Variants in NUP58 observed in about 807,000 individuals in gnomAD.
The protein encoded by NUP58 is nucleoporin p58/p45.
A neutral mutation model predicts 70.1 loss-of-function variants in NUP58; 17 were observed. That is an observed-to-expected ratio of 0.24 (90% CI 0.17 to 0.36). NUP58 has a LOEUF of 0.36. NUP58 is among the 10% of genes least tolerant of loss of function. The pLI, the probability that NUP58 is intolerant of heterozygous loss-of-function variation, is 1.00. For synonymous variants in NUP58, 275 were observed against 257.6 expected (o/e 1.07, Z -0.65); for missense variants, 644 against 701.5 (o/e 0.92, Z 0.93).
At chr13:25,316,902 A>G (rs1426864697) in intron 6 of NUP58, among the ~76,000 whole-genome samples, 3 of 152,220 alleles carry the variant, frequency 2.0e-5, no homozygotes, top group Non-Finnish European at 2.9e-5. Context: ...TGTCTTAGAT[A>G]TGACATTAAA....
At chr13:25,343,992 C>T (rs2032018499), downstream of NUP58, among the ~76,000 whole-genome samples, 1 of 151,826 alleles carries the variant, frequency 6.6e-6, no homozygotes, top group African/African-American at 2.4e-5. Context: ...TGTCACATTG[C>T]CTTCCCAAAA....
downstream of NUP58, among the ~76,000 whole-genome samples, chr13:25,346,920 C>T (rs2032057614): frequency 2.0e-5 from 3 of 152,088 alleles, no homozygotes; most frequent in Admixed American, 2.0e-4. Flanking sequence ...TAAAAAGCAA[C>T]TAACACTTCA....
intron 12 of NUP58, among the ~76,000 whole-genome samples, chr13:25,329,291 C>T (rs557075037): frequency 6.6e-6 from 1 of 152,234 alleles, no homozygotes; most frequent in Admixed American, 6.5e-5. Context: ...CCCTGCTGAA[C>T]TTGTTTTATC....
intron 1 of NUP58, among the ~76,000 whole-genome samples, chr13:25,302,243 A>G (rs903808144): frequency 6.6e-6 from 1 of 152,246 alleles, no homozygotes; most frequent in African/African-American, 2.4e-5. Context: ...TGAATGAATG[A>G]AATTATAGCA....
downstream of NUP58, among the ~76,000 whole-genome samples, chr13:25,347,380 G>GGAAT (rs1372156107): frequency 6.6e-6 from 1 of 152,156 alleles, no homozygotes; most frequent in African/African-American, 2.4e-5. Flanking sequence ...GTAGGTCTGG[G>GGAAT]GAATGTCTTT....
intron 3 of NUP58, among the ~76,000 whole-genome samples, chr13:25,348,894 C>A (rs979635547): frequency 1.3e-5 from 2 of 152,048 alleles, no homozygotes; most frequent in Non-Finnish European, 2.9e-5. Flanking sequence ...ACATACAAAG[C>A]CCCTCATAGT....
At chr13:25,321,267 G>T (rs1360429554) in intron 9 of NUP58, among the ~76,000 whole-genome samples, 174 bp downstream of exon 9, 1 of 152,132 alleles carries the variant, frequency 6.6e-6, no homozygotes, top group Non-Finnish European at 1.5e-5. Context: ...AGCGTTTTCT[G>T]TATACAAGAC....
At position 25,342,384 on chromosome 13, in the gene NUP58, A is replaced by C. The variant is rs1343621820; in HGVS notation, c.*2250A>C. The C allele has an allele frequency of 1.3e-5, 2 of 152,652 alleles. No homozygotes were observed. The highest frequency in any genetic ancestry group is 2.9e-5 in the Non-Finnish European group (2 of 68,032). The allele number at this position is 152,652 out of a possible 1,614,324, so 9.5% of individuals were successfully genotyped here. ...CTTTGTCCAGAGCCTATTATTATGG[A>C]AACAATAAAATTTATTGTGTCAGTT... On this transcript the variant is annotated 3_prime_UTR_variant, in exon 16 of 16. Coordinates refer to ENST00000381736, the MANE Select transcript of NUP58 (RefSeq NM_014089.4).
At chr13:25,304,763 C>T (rs530905405) in intron 1 of NUP58, among the ~76,000 whole-genome samples, 3 of 151,842 alleles carry the variant, frequency 2.0e-5, no homozygotes, top group South Asian at 2.1e-4. Flanking sequence ...CTCCTGACTT[C>T]AGGTGATCCA....
chr13:25,328,069 G>A (rs1260882762), intron 12 of NUP58, among the ~76,000 whole-genome samples: 4 of 151,832 alleles, frequency 2.6e-5, no homozygotes, highest in African/African-American at 9.7e-5. Flanking sequence ...TATGGTGGCG[G>A]GCACTTGTAG....
intron 13 of NUP58, chr13:25,333,935 G>A (rs1384032637): frequency 3.0e-6 from 3 of 985,218 alleles, no homozygotes; most frequent in African/African-American, 3.5e-5. Context: ...ACATGAATAT[G>A]GGCACAGAGC....
At chr13:25,313,072 T>C in intron 4 of NUP58, 40 bp downstream of exon 4, 1 of 1,597,712 alleles carries the variant, frequency 6.3e-7, no homozygotes, top group Non-Finnish European at 8.5e-7. Flanking sequence ...AATGGTTAAA[T>C]TTCAATTTTA....
chr13:25,316,356 A>G (rs973565280), intron 6 of NUP58, among the ~76,000 whole-genome samples: 1 of 152,174 alleles, frequency 6.6e-6, no homozygotes, highest in East Asian at 1.9e-4. Flanking sequence ...AATATATACC[A>G]TATATACTAG....
chr13:25,308,148 T>C (rs1041616041), intron 2 of NUP58, 200 bp downstream of exon 2: 1 of 464,564 alleles, frequency 2.2e-6, no homozygotes. Flanking sequence ...TACTCTGATA[T>C]AACGAAGGAA....
intron 1 of NUP58, among the ~76,000 whole-genome samples, chr13:25,304,676 G>A (rs183400368): frequency 0.011 from 1,608 of 150,340 alleles, 14 homozygotes; most frequent in Middle Eastern, 0.021. Flanking sequence ...CACCACACCC[G>A]GCTAAATTTT....
intron 1 of NUP58, 43 bp downstream of exon 1, chr13:25,301,923 C>A: frequency 7.7e-7 from 1 of 1,295,350 alleles, no homozygotes; most frequent in Non-Finnish European, 1.1e-6. Flanking sequence ...TTCACCCCCA[C>A]CCCCACCCCC....
At chr13:25,309,469 T>G (rs867668503) in intron 3 of NUP58, 187 bp downstream of exon 3, 1 of 488,034 alleles carries the variant, frequency 2.0e-6, no homozygotes. Context: ...AGGAATGACT[T>G]CGTAGAGTAC....
chr13:25,319,468 T>C lies in NUP58; in HGVS notation c.710+118T>C, dbSNP rs147890808. The C allele has an allele frequency of 7.5e-4, 609 of 809,464 alleles. 4 individuals carry two copies. The East Asian group carries it at 0.014, about 19-fold the overall frequency. 50.1% of individuals were successfully genotyped at this position (809,464 alleles called of 1,614,324 possible). A position where few individuals can be genotyped will look rare whatever the true frequency, so the allele number is the denominator to read the frequency against. The stretch of plus-strand genomic sequence containing the variant: ...ATACATTTAGGAGAAAAAACTTTTT[T>C]GTAATGGTATTCGTTAAAAGTAAAA... On this transcript the variant is annotated intron_variant, in intron 7 of 15. Transcript: ENST00000381736.
At chr13:25,332,373 G>A (rs1800875137) in intron 13 of NUP58, 1 of 985,294 alleles carries the variant, frequency 1.0e-6, no homozygotes, top group African/African-American at 1.7e-5. Context: ...TCTTAATCCT[G>A]CCATCCCTTT....
Sources: allele counts gnomAD v4.1 joint callset (sites outside exome capture counted in the v4.1 genomes callset), GRCh38; gene constraint gnomAD v4.1.1; transcripts MANE v1.5; gene names NCBI Gene and HGNC (gene_info 2026-07-23, HGNC 2026-07-21).